EED: variants seen among roughly 807,000 people sequenced by gnomAD.
EED encodes embryonic ectoderm development, also known as polycomb protein EED.
In EED, 9 loss-of-function variants were observed where a neutral mutation model predicts 61.0. The ratio of observed to expected loss-of-function variants is 0.15; its 90% CI spans 0.09 to 0.26. The LOEUF (loss-of-function observed/expected upper bound fraction) is 0.26. EED is among the 10% of genes least tolerant of loss of function. EED has a pLI of 1.00. For missense variants in EED, 315 were observed against 542.3 expected (o/e 0.58, Z 4.16); for synonymous variants, 187 against 174.4 (o/e 1.07, Z -0.57).
intron 9 of EED, among the ~76,000 whole-genome samples, chr11:86,271,340 A>C (rs188879794): frequency 6.6e-6 from 1 of 152,228 alleles, no homozygotes; most frequent in Admixed American, 6.5e-5. Context: ...TAACTAATAT[A>C]TAGAAATATA....
the EED span, among the ~76,000 whole-genome samples, chr11:86,286,164 G>A: frequency 6.6e-6 from 1 of 151,990 alleles, no homozygotes; most frequent in Non-Finnish European, 1.5e-5. Flanking sequence ...CTGAGTAGCT[G>A]GGATTACAAA....
intron 6 of EED, among the ~76,000 whole-genome samples, chr11:86,262,120 G>GC (rs1945846315): frequency 6.6e-6 from 1 of 152,118 alleles, no homozygotes. Flanking sequence ...GGGCTCAAAT[G>GC]ATCCTTCCAC....
At chr11:86,284,732 G>A in the EED span, 1 of 152,212 alleles carries the variant, frequency 6.6e-6, no homozygotes, top group Non-Finnish European at 1.5e-5. Flanking sequence ...TAATTCAAAA[G>A]GAACACAGGA....
At chr11:86,253,197 T>G (rs1006528141) in intron 3 of EED, among the ~76,000 whole-genome samples, 1 of 152,354 alleles carries the variant, frequency 6.6e-6, no homozygotes, top group East Asian at 1.9e-4. Context: ...TGGTGTTTAG[T>G]CAAATGTAGG....
intron 10 of EED, chr11:86,277,572 T>C (rs1946260948): frequency 5.4e-6 from 1 of 185,332 alleles, no homozygotes; most frequent in African/African-American, 2.3e-5. Flanking sequence ...GGTAACAAAT[T>C]ACTTGGGTAT....
chr11:86,263,555 A>G (rs1324017432), intron 6 of EED, among the ~76,000 whole-genome samples: 1 of 152,080 alleles, frequency 6.6e-6, no homozygotes, highest in Admixed American at 6.5e-5. Context: ...TAATTTTTAA[A>G]TTTTTTGTTG....
chr11:86,267,555 C>G (rs1032709457), intron 8 of EED, among the ~76,000 whole-genome samples: 1 of 152,084 alleles, frequency 6.6e-6, no homozygotes, highest in African/African-American at 2.4e-5. Context: ...CATTTAGTTT[C>G]CTAAATACAG....
intron 10 of EED, 52 bp downstream of exon 10, chr11:86,277,190 G>A: frequency 1.4e-6 from 2 of 1,461,732 alleles, no homozygotes; most frequent in Non-Finnish European, 1.9e-6. Context: ...AAAGACCATT[G>A]TAATTCTAGC....
At chr11:86,281,399 T>G (rs376967309), downstream of EED, among the ~76,000 whole-genome samples, 26 of 152,214 alleles carry the variant, frequency 1.7e-4, no homozygotes, top group African/African-American at 5.8e-4. Context: ...TTTAGCTTTT[T>G]GTTTTTTCAT....
intron 2 of EED, 110 bp downstream of exon 2, chr11:86,250,558 G>A: frequency 8.9e-6 from 11 of 1,231,820 alleles, no homozygotes; most frequent in Admixed American, 3.5e-5. Context: ...ATATTTTAAA[G>A]TTACAATGTT....
intron 10 of EED, chr11:86,277,356 A>G: frequency 2.8e-6 from 1 of 362,044 alleles, no homozygotes; most frequent in Admixed American, 4.5e-5. Context: ...ACTTTAAATT[A>G]AGTTGGCAGT....
intron 9 of EED, among the ~76,000 whole-genome samples, chr11:86,272,471 T>A (rs1946140742): frequency 6.6e-6 from 1 of 152,206 alleles, no homozygotes; most frequent in African/African-American, 2.4e-5. Flanking sequence ...GATGGGAGCT[T>A]GAAAAGAATA....
the EED span, among the ~76,000 whole-genome samples, chr11:86,284,996 A>T: frequency 1.3e-5 from 2 of 152,200 alleles, no homozygotes; most frequent in East Asian, 1.9e-4. Context: ...CTGTAATCCC[A>T]GCTACTTGGG....
chr11:86,255,880 C>G (rs1245607803), intron 4 of EED, among the ~76,000 whole-genome samples: 3 of 152,078 alleles, frequency 2.0e-5, no homozygotes, highest in African/African-American at 7.2e-5. Context: ...TTTGAAAAAC[C>G]TAGCAAACAA....
intron 3 of EED, among the ~76,000 whole-genome samples, chr11:86,253,190 T>C (rs1380584333): frequency 6.6e-6 from 1 of 152,234 alleles, no homozygotes; most frequent in East Asian, 1.9e-4. Context: ...CTGTTTTTGG[T>C]GTTTAGTCAA....
At chr11:86,266,741 T>G (rs1339989825) in intron 8 of EED, among the ~76,000 whole-genome samples, 1 of 152,052 alleles carries the variant, frequency 6.6e-6, no homozygotes, top group East Asian at 1.9e-4. Flanking sequence ...GTACTATAGG[T>G]TGGGGAATTT....
intron 2 of EED, among the ~76,000 whole-genome samples, chr11:86,251,241 A>T (rs957761798): frequency 1.3e-5 from 2 of 152,212 alleles, no homozygotes; most frequent in Admixed American, 1.3e-4. Context: ...TTCGATGCTC[A>T]GTGTGTCAGA....
Position 86,264,053 on chromosome 11 carries a change from AT to A in EED, c.635-114del, listed in dbSNP as rs1945911954. 5 of 712,776 alleles carry A rather than the reference AT, an allele frequency of 7.0e-6. No individual in the cohort carries two copies. In the Admixed American group the frequency reaches 7.8e-5, roughly 11 times the overall value. The allele number at this position is 712,776 out of a possible 1,614,324, so 44.2% of individuals were successfully genotyped here. A position where few individuals can be genotyped will look rare whatever the true frequency, so the allele number is the denominator to read the frequency against. On this transcript the variant is annotated intron_variant, in intron 6 of 11. Coordinates refer to ENST00000263360, the MANE Select transcript of EED (RefSeq NM_003797.5). Reference sequence around the variant, plus strand: ...TAAGTTGCTATGTAATATGGATTCCATTTTTAGGCTTTACTGTGCATAACTT... The same window carrying A: ...TAAGTTGCTATGTAATATGGATTCCATTTTAGGCTTTACTGTGCATAACTT...
the EED span, chr11:86,284,347 A>G: frequency 6.6e-6 from 1 of 152,208 alleles, no homozygotes; most frequent in Non-Finnish European, 1.5e-5. Context: ...TCCAGTAATC[A>G]TTCATCAAGA....
Sources: allele counts gnomAD v4.1 joint callset (sites outside exome capture counted in the v4.1 genomes callset), GRCh38; gene constraint gnomAD v4.1.1; transcripts MANE v1.5; gene names NCBI Gene and HGNC (gene_info 2026-07-23, HGNC 2026-07-21).